Variants in PDE4D observed in about 807,000 individuals in gnomAD.
The protein encoded by PDE4D is 3',5'-cyclic-AMP phosphodiesterase 4D.
A neutral mutation model predicts 87.4 loss-of-function variants in PDE4D; 24 were observed. That is an observed-to-expected ratio of 0.27 (90% CI 0.20 to 0.39). The LOEUF is 0.39. PDE4D is among the 10% of genes least tolerant of loss of function. PDE4D has a pLI of 1.00. For missense variants in PDE4D, 714 were observed against 1,041.0 expected, an observed-to-expected ratio of 0.69 and a Z score of 4.32; for synonymous variants, 384 against 383.2, an observed-to-expected ratio of 1.00 and a Z score of -0.02.
intron 1 of PDE4D, among the ~76,000 whole-genome samples, chr5:59,533,462 G>A (rs1814587593): frequency 6.6e-6 from 1 of 152,084 alleles, no homozygotes; most frequent in Admixed American, 6.5e-5. Flanking sequence ...CTAAAGGGTG[G>A]GGGGGTCAAA....
At chr5:59,268,228 C>A (rs539639635) in intron 1 of PDE4D, among the ~76,000 whole-genome samples, 4 of 152,192 alleles carry the variant, frequency 2.6e-5, no homozygotes, top group African/African-American at 9.6e-5. Context: ...GAGCCAATCC[C>A]CTTAGAAGGC....
intron 1 of PDE4D, among the ~76,000 whole-genome samples, chr5:59,824,484 T>C (rs772001708): frequency 6.6e-6 from 1 of 152,196 alleles, no homozygotes; most frequent in Non-Finnish European, 1.5e-5. Flanking sequence ...TGACACACAG[T>C]GGCCATTCAA....
At chr5:59,347,125 T>C (rs528707728) in intron 1 of PDE4D, among the ~76,000 whole-genome samples, 37 of 152,298 alleles carry the variant, frequency 2.4e-4, no homozygotes, top group African/African-American at 8.7e-4. Flanking sequence ...GGAACACAAA[T>C]CTGATTCATT....
chr5:60,398,385 T>C (rs1355547996), intron 1 of PDE4D, among the ~76,000 whole-genome samples: 1 of 152,236 alleles, frequency 6.6e-6, no homozygotes, highest in East Asian at 1.9e-4. Flanking sequence ...GGCTTCTACC[T>C]TGGCCTGGTC....
intron 2 of PDE4D, among the ~76,000 whole-genome samples, chr5:60,123,692 A>T (rs1778890392): frequency 6.6e-6 from 1 of 152,186 alleles, no homozygotes; most frequent in Non-Finnish European, 1.5e-5. Context: ...CCAGGGAAAG[A>T]AGGAACAGAT....
chr5:59,474,620 C>T (rs1157734169), intron 1 of PDE4D, among the ~76,000 whole-genome samples: 2 of 152,108 alleles, frequency 1.3e-5, no homozygotes, highest in African/African-American at 2.4e-5. Flanking sequence ...CATCAATCAT[C>T]TTGGGTCCCA....
chr5:59,178,539 T>C (rs1407031931), intron 5 of PDE4D, among the ~76,000 whole-genome samples: 2 of 152,178 alleles, frequency 1.3e-5, no homozygotes, highest in Non-Finnish European at 2.9e-5. Context: ...CTGTCACATA[T>C]GCTTAAGATC....
intron 2 of PDE4D, among the ~76,000 whole-genome samples, chr5:60,140,605 T>A (rs896592735): frequency 6.7e-6 from 1 of 148,772 alleles, no homozygotes; most frequent in African/African-American, 2.5e-5. Flanking sequence ...TGTTGCCCAG[T>A]AGTACTGTTG....
chr5:60,390,729 A>T lies in PDE4D; in HGVS notation c.-90+97213T>A, dbSNP rs1482477998. On this transcript the variant is annotated intron_variant, in intron 1 of 16. Transcript: ENST00000502484. ...TGAGGGGGAATATAAGCTACTATTA[A>T]AAAAATCAACCTGGCACCTTGGAAG... 3.3e-5 allele frequency among the ~76,000 whole-genome samples: 5 copies of T among 152,070 alleles called. No homozygotes were observed. In the South Asian group the frequency reaches 1.0e-3, roughly 32 times the overall value.
In PDE4D at chr5:59,193,458, T is replaced by C. The variant is rs1053866601; in HGVS notation, c.684+42A>G. 3.2e-6 allele frequency: 5 copies of C among 1,580,094 alleles called. No homozygotes were observed. The African/African-American group carries it at 5.4e-5, about 17-fold the overall frequency. On this transcript the variant is annotated intron_variant, in intron 3 of 14. Coordinates refer to ENST00000340635, the MANE Select transcript of PDE4D (RefSeq NM_001104631.2). ...GAACTAATTCCCCAAATTAAATTTT[T>C]ACATCTGTGAGAAACCTGCCCATTC...
rs1017249387 is a variant in PDE4D, at chr5:59,317,786, C to T, written c.456-101818G>A. ...AAAGAATTTCCCTTAATTTTTTCCA[C>T]GCAGTTCCCTTGAGGTTATGCAGCT... On this transcript the variant is annotated intron_variant, in intron 1 of 14. Transcript: ENST00000340635. Among the ~76,000 whole-genome samples the T allele has an allele frequency of 3.9e-5, 6 of 152,108 alleles. No homozygotes were observed. In the East Asian group the frequency reaches 5.8e-4, roughly 15 times the overall value.
rs143349379 is a variant in PDE4D at position 60,115,648 on chromosome 5, T to C, written c.42+69909A>G. On this transcript the variant is annotated intron_variant, in intron 2 of 16. Transcript: ENST00000502484. Reference sequence around the variant, plus strand: ...TAAAACACTCAAATTAAACAGCCAGTTAGTGACAGAATTGCTATTTAAATT... The same window carrying C: ...TAAAACACTCAAATTAAACAGCCAGCTAGTGACAGAATTGCTATTTAAATT... 9.2e-5 allele frequency among the ~76,000 whole-genome samples: 14 copies of C among 152,168 alleles called. No individual in the cohort carries two copies. The East Asian group carries it at 2.7e-3, about 29-fold the overall frequency.
intron 1 of PDE4D, among the ~76,000 whole-genome samples, chr5:59,579,110 A>C (rs1342904555): frequency 6.6e-6 from 1 of 152,160 alleles, no homozygotes; most frequent in Non-Finnish European, 1.5e-5. Flanking sequence ...AAATCCATCA[A>C]ATATATTTTC....
chr5:59,291,562 C>T (rs1361494133), intron 1 of PDE4D, among the ~76,000 whole-genome samples: 1 of 151,474 alleles, frequency 6.6e-6, no homozygotes, highest in African/African-American at 2.4e-5. Flanking sequence ...GTTTTTTAAG[C>T]AATTATAGGG....
chr5:59,802,814 G>A (rs1767302018), intron 1 of PDE4D, among the ~76,000 whole-genome samples: 1 of 152,196 alleles, frequency 6.6e-6, no homozygotes, highest in African/African-American at 2.4e-5. Flanking sequence ...GGCCAGCAGA[G>A]AATACAGTGC....
At chr5:60,046,382 G>T (rs1460842773) in intron 2 of PDE4D, among the ~76,000 whole-genome samples, 1 of 152,080 alleles carries the variant, frequency 6.6e-6, no homozygotes, top group Non-Finnish European at 1.5e-5. Context: ...TAATTGCTCT[G>T]GTCAGAACTT....
At chr5:59,944,830 A>G (rs1757569323) in intron 3 of PDE4D, among the ~76,000 whole-genome samples, 1 of 151,604 alleles carries the variant, frequency 6.6e-6, no homozygotes, top group African/African-American at 2.4e-5. Flanking sequence ...TTCTTCCTCT[A>G]TACCTACTTT....
chr5:59,173,521 C>T (rs573371575), intron 5 of PDE4D, among the ~76,000 whole-genome samples: 1 of 152,300 alleles, frequency 6.6e-6, no homozygotes, highest in Admixed American at 6.5e-5. Flanking sequence ...TAAAAGTAAA[C>T]TCCTTCAGCT....
In PDE4D at chr5:60,052,792, A is replaced by C. The variant is rs556181734; in HGVS notation, c.43-64075T>G. Among the ~76,000 whole-genome samples the C allele has an allele frequency of 5.9e-5, 9 of 152,294 alleles. No homozygotes were observed. In the East Asian group the frequency reaches 1.7e-3, roughly 29 times the overall value. ...CATGATCATATATTTAGAAAACCCC[A>C]TTGTCTCAGGCCCAAATCTCCTTAA... On this transcript the variant is annotated intron_variant, in intron 2 of 16. Coordinates refer to the PDE4D transcript ENST00000502484.
Sources: gnomAD v4.1 joint callset for allele counts (sites outside exome capture counted in the v4.1 genomes callset) on GRCh38, gnomAD v4.1.1 for gene constraint, MANE v1.5 for transcripts, NCBI Gene and HGNC (gene_info 2026-07-23, HGNC 2026-07-21) for gene names.